PTAR1: variants seen among roughly 807,000 people sequenced by gnomAD.
PTAR1 encodes protein prenyltransferase alpha subunit repeat containing 1.
A neutral mutation model predicts 45.5 loss-of-function variants in PTAR1; 17 were observed. That is an observed-to-expected ratio of 0.37 (90% confidence interval 0.26 to 0.56). PTAR1 has a LOEUF of 0.56. Among genes scored for constraint, PTAR1 ranks in the 20% least tolerant of loss-of-function variants. The probability of loss-of-function intolerance (pLI) is 0.77; values close to 1 mark genes in which losing one functional copy is unlikely to be tolerated. For synonymous variants in PTAR1, 169 were observed against 171.3 expected (o/e 0.99, Z 0.11); for missense variants, 391 against 476.3 (o/e 0.82, Z 1.67).
chr9:69,754,745 T>C (rs1355723048), intron 1 of PTAR1, among the ~76,000 whole-genome samples: 6 of 149,782 alleles, frequency 4.0e-5, no homozygotes, highest in Non-Finnish European at 8.9e-5. Flanking sequence ...GGTAGAGATG[T>C]AGTCCCACTA....
intron 2 of PTAR1, among the ~76,000 whole-genome samples, chr9:69,747,385 G>A (rs755693309): frequency 1.3e-5 from 2 of 152,188 alleles, no homozygotes; most frequent in Non-Finnish European, 2.9e-5. Flanking sequence ...CACTGATAAT[G>A]CCAACATTAA....
At chr9:69,759,752 A>AG in intron 1 of PTAR1, 101 bp downstream of exon 1, 1 of 1,191,346 alleles carries the variant, frequency 8.4e-7, no homozygotes, top group Non-Finnish European at 1.1e-6. Context: ...CTCGTGGGCC[A>AG]GGACCCGCTG....
At chr9:69,752,125 A>G (rs1826560592) in intron 1 of PTAR1, among the ~76,000 whole-genome samples, 1 of 152,136 alleles carries the variant, frequency 6.6e-6, no homozygotes, top group Admixed American at 6.6e-5. Flanking sequence ...CTATATAGAT[A>G]TTTTAAACAT....
rs1438605686 is a variant in PTAR1 at position 69,711,555 on chromosome 9, CAAGT to C, written c.*6783_*6786del. The C allele has an allele frequency of 6.6e-6, 1 of 152,000 alleles. No individual in the cohort carries two copies. Among genetic ancestry groups the C allele is most frequent in the African/African-American group, 2.4e-5 (1 of 41,394 alleles). 9.4% of individuals were successfully genotyped at this position (152,000 alleles called of 1,614,324 possible). On this transcript the variant is annotated 3_prime_UTR_variant, in exon 8 of 8. Coordinates refer to ENST00000340434, the MANE Select transcript of PTAR1 (RefSeq NM_001099666.2). The stretch of plus-strand genomic sequence containing the variant: ...ATTACCACTCTTAAGACGCTAGAAA[CAAGT>C]AAGATTTAAGGAAAAATAAAAAGAA...
chr9:69,743,646 A>G (rs1237661823), intron 2 of PTAR1, among the ~76,000 whole-genome samples: 1 of 152,140 alleles, frequency 6.6e-6, no homozygotes, highest in East Asian at 1.9e-4. Flanking sequence ...TTTTACTTTT[A>G]GTAGTTTTTG....
rs1320047477 is a variant in PTAR1, at chr9:69,734,169, G to A, written c.409C>T (p.Pro137Ser). The A allele has an allele frequency of 6.4e-7, 1 of 1,566,642 alleles. No homozygotes were observed. Among genetic ancestry groups the A allele is most frequent in the East Asian group, 2.3e-5 (1 of 43,972 alleles). The change falls in exon 4 of 8, where the codon CCA becomes TCA. Residue 137 changes from proline (P) to serine (S), a missense_variant. Physicochemically the swap from Pro to Ser is moderately conservative, Grantham distance 74. Coordinates refer to ENST00000340434, the MANE Select transcript of PTAR1 (RefSeq NM_001099666.2). ...KLALTKFPKS[P>S]ETWIHRRWVL... is the part of the protein sequence containing the mutation. ...CCACACCTGTGAATCCATGTTTCTG[G>A]ACTCTTTGGAAACTTGGTTAAGGCG...
At position 69,715,599 on chromosome 9, in the gene PTAR1, AAT is replaced by A. The variant is rs1319713813; in HGVS notation, c.*2741_*2742del. ...TGTTCTTCCAGTGAAAGTTTAATGA[AAT>A]ATGTGTCAATAAGCCATCTTTTCCT... On this transcript the variant is annotated 3_prime_UTR_variant, in exon 8 of 8. Coordinates refer to ENST00000340434, the MANE Select transcript of PTAR1 (RefSeq NM_001099666.2). 1 of 152,122 alleles carries A rather than the reference AAT, an allele frequency of 6.6e-6. No homozygotes were observed. The highest frequency in any genetic ancestry group is 2.4e-5 in the African/African-American group (1 of 41,440). The allele number at this position is 152,122 out of a possible 1,614,324, so 9.4% of individuals were successfully genotyped here.
chr9:69,710,478 A>G lies in PTAR1; in HGVS notation c.*7864T>C, dbSNP rs1161286673. The G allele has an allele frequency of 6.6e-6, 1 of 152,094 alleles. No homozygotes were observed. The highest frequency in any genetic ancestry group is 1.5e-5 in the Non-Finnish European group (1 of 68,014). 9.4% of individuals were successfully genotyped at this position (152,094 alleles called of 1,614,324 possible). A position where few individuals can be genotyped will look rare whatever the true frequency, so the allele number is the denominator to read the frequency against. ...GACATAGATAATCTACAGTCATTAC[A>G]TTAGCCTTAGAATTTAGCATCATAC... On this transcript the variant is annotated 3_prime_UTR_variant, in exon 8 of 8. Transcript: ENST00000340434.
intron 6 of PTAR1, 138 bp from the exon 7 acceptor site, chr9:69,718,822 A>C (rs1824846407): frequency 3.3e-6 from 2 of 597,658 alleles, no homozygotes; most frequent in Admixed American, 6.2e-5. Context: ...ATACAGAGGA[A>C]GGAGGAAAAA....
At chr9:69,732,014 C>T (rs73647275) in intron 5 of PTAR1, 125 bp downstream of exon 5, 86 of 657,754 alleles carry the variant, frequency 1.3e-4, no homozygotes, top group African/African-American at 1.5e-4. Flanking sequence ...GCAGCTGTTG[C>T]GATTCTCTCA....
intron 3 of PTAR1, among the ~76,000 whole-genome samples, chr9:69,740,659 A>AGGG (rs1564140451): frequency 4.6e-5 from 7 of 151,758 alleles, no homozygotes; most frequent in Non-Finnish European, 8.8e-5. Context: ...AAGGGGAAAA[A>AGGG]AAAAAAAAAA....
intron 5 of PTAR1, among the ~76,000 whole-genome samples, chr9:69,727,083 C>T (rs969693758): frequency 2.0e-5 from 3 of 150,542 alleles, no homozygotes; most frequent in East Asian, 2.0e-4. Flanking sequence ...ATACGATGTA[C>T]GACATATTGT....
chr9:69,726,587 A>G (rs952689801), intron 5 of PTAR1, among the ~76,000 whole-genome samples: 3 of 152,006 alleles, frequency 2.0e-5, no homozygotes, highest in Non-Finnish European at 2.9e-5. Flanking sequence ...TCCTATTGGA[A>G]GTACATGTTA....
chr9:69,730,651 T>C (rs1403892768), intron 5 of PTAR1, among the ~76,000 whole-genome samples: 2 of 149,516 alleles, frequency 1.3e-5, no homozygotes, highest in Non-Finnish European at 3.0e-5. Context: ...ACGATTTTTC[T>C]GTGCTCCCAT....
chr9:69,743,592 T>C (rs926014660), intron 2 of PTAR1, among the ~76,000 whole-genome samples: 3 of 152,208 alleles, frequency 2.0e-5, no homozygotes, highest in Non-Finnish European at 4.4e-5. Context: ...ATTACATACA[T>C]TACAACACAA....
At chr9:69,728,341 A>G (rs1470362811) in intron 5 of PTAR1, among the ~76,000 whole-genome samples, 3 of 152,188 alleles carry the variant, frequency 2.0e-5, no homozygotes, top group African/African-American at 7.2e-5. Context: ...TTTTTCTCCA[A>G]GAATATGATA....
At chr9:69,736,227 T>C (rs1268297695) in intron 3 of PTAR1, among the ~76,000 whole-genome samples, 1 of 152,142 alleles carries the variant, frequency 6.6e-6, no homozygotes, top group African/African-American at 2.4e-5. Flanking sequence ...GAAACTCAGG[T>C]GGGCACAGCA....
chr9:69,718,982 C>T (rs111320259), intron 6 of PTAR1, among the ~76,000 whole-genome samples: 20 of 151,878 alleles, frequency 1.3e-4, no homozygotes, highest in East Asian at 1.9e-4. Context: ...CTATGGTAAC[C>T]GTAATATAAA....
At chr9:69,745,193 G>A (rs1044090525) in intron 2 of PTAR1, among the ~76,000 whole-genome samples, 4 of 152,178 alleles carry the variant, frequency 2.6e-5, no homozygotes, top group African/African-American at 4.8e-5. Context: ...GAATAATGAG[G>A]AGGTTGTTCC....
Sources: gnomAD v4.1 joint callset for allele counts (sites outside exome capture counted in the v4.1 genomes callset) on GRCh38, gnomAD v4.1.1 for gene constraint, MANE v1.5 for transcripts, NCBI Gene and HGNC (gene_info 2026-07-23, HGNC 2026-07-21) for gene names.